The following DMD variants were observed in gnomAD, a reference collection of about 807,000 sequenced individuals.
DMD encodes the protein mutant dystrophin.
In DMD, 63 loss-of-function variants were observed where a neutral mutation model predicts 330.1. The observed-to-expected ratio is 0.19, with a 90% confidence interval of 0.16 to 0.24. DMD has a LOEUF of 0.24. Among genes scored for constraint, DMD ranks in the 10% least tolerant of loss-of-function variants. DMD has a pLI of 1.00. For missense variants in DMD, 3,344 were observed against 2,684.1 expected (o/e 1.25, Z -5.43); for synonymous variants, 1,223 against 959.8 (o/e 1.27, Z -5.07).
intron 9 of DMD, among the ~76,000 whole-genome samples, chrX:32,668,147 C>CG (rs1413362750): frequency 5.6e-5 from 6 of 107,988 alleles, no homozygotes; most frequent in East Asian, 5.9e-4. Context: ...GACTCCATCT[C>CG]GGGAAAAAAA....
intron 9 of DMD, among the ~76,000 whole-genome samples, chrX:32,653,768 T>C (rs886799078): frequency 2.2e-4 from 25 of 112,021 alleles, no homozygotes; most frequent in Non-Finnish European, 4.3e-4. Context: ...ATTTTCACAA[T>C]ATTGATTCTT....
chrX:32,981,831 A>T (rs2092714742), intron 2 of DMD, among the ~76,000 whole-genome samples: 1 of 111,257 alleles, frequency 9.0e-6, no homozygotes, highest in Non-Finnish European at 1.9e-5. Flanking sequence ...TCTCCTTAAT[A>T]CAAGCCTCTG....
intron 41 of DMD, among the ~76,000 whole-genome samples, chrX:32,311,427 GTTTTT>G (rs929726090): frequency 9.0e-6 from 1 of 111,178 alleles, no homozygotes; most frequent in Non-Finnish European, 1.9e-5. Context: ...TTTATGTTTT[GTTTTT>G]AATTTCTCTG....
intron 55 of DMD, among the ~76,000 whole-genome samples, chrX:31,535,064 A>T (rs1342112901): frequency 1.8e-5 from 1 of 54,572 alleles, no homozygotes; most frequent in African/African-American, 8.0e-5. Flanking sequence ...CATACTGCCC[A>T]AGGTAATTTA....
rs926349196 is a variant in DMD at position 31,785,913 on chromosome X, G to A, written c.7310-11721C>T. ...GTAAACAGTGCTGCAACAAACGTAC[G>A]TGTGCATGTGTCTTTACAGTAGAAT... On this transcript the variant is annotated intron_variant, in intron 50 of 78. Transcript: ENST00000357033. 9.8e-5 allele frequency among the ~76,000 whole-genome samples: 11 copies of A among 111,980 alleles called. 1 individual carries two copies. The highest frequency in any genetic ancestry group is 3.7e-4 in the South Asian group (1 of 2,679).
At chrX:31,938,256 GC>G (rs1337909260) in intron 45 of DMD, among the ~76,000 whole-genome samples, 1 of 111,081 alleles carries the variant, frequency 9.0e-6, no homozygotes, top group Non-Finnish European at 1.9e-5. Context: ...CCTTTTATAT[GC>G]TTTCAATGAA....
At chrX:32,384,519 C>T (rs187436989) in intron 33 of DMD, among the ~76,000 whole-genome samples, 126 of 110,889 alleles carry the variant, frequency 1.1e-3, no homozygotes, top group African/African-American at 4.0e-3. Flanking sequence ...TGGCAACAAA[C>T]TTGTTTAAAA....
intron 43 of DMD, among the ~76,000 whole-genome samples, chrX:32,232,657 CA>C (rs1569552284): frequency 8.9e-6 from 1 of 112,133 alleles, no homozygotes. Context: ...TATTAAAACA[CA>C]GGTGCACGAG....
chrX:32,279,966 C>CCACAT (rs2097408457), intron 43 of DMD, among the ~76,000 whole-genome samples: 1 of 64,326 alleles, frequency 1.6e-5, no homozygotes, highest in Non-Finnish European at 3.3e-5. Flanking sequence ...ATGTGTAACC[C>CCACAT]ATATATATAT....
chrX:31,670,066 T>C (rs1457737498), intron 53 of DMD, among the ~76,000 whole-genome samples: 2 of 111,981 alleles, frequency 1.8e-5, no homozygotes, highest in Non-Finnish European at 3.8e-5. Context: ...TTTGATGCCA[T>C]TGTAAATATT....
intron 25 of DMD, among the ~76,000 whole-genome samples, chrX:32,456,312 C>A (rs2098357875): frequency 9.0e-6 from 1 of 111,123 alleles, no homozygotes; most frequent in Non-Finnish European, 1.9e-5. Flanking sequence ...TTCACCCTAA[C>A]ACATCTAGAA....
chrX:31,700,013 C>G (rs1311229323), intron 52 of DMD, among the ~76,000 whole-genome samples: 1 of 110,388 alleles, frequency 9.1e-6, no homozygotes, highest in East Asian at 2.8e-4. Flanking sequence ...TGGTGAAACC[C>G]TGTCTGTACT....
rs913339160 is a variant in DMD at position 31,493,046 on chromosome X, C to T, written c.8547+3742G>A. 2.7e-5 allele frequency among the ~76,000 whole-genome samples: 3 copies of T among 111,579 alleles called. No individual in the cohort carries two copies. In the East Asian group the frequency reaches 8.4e-4, roughly 31 times the overall value. ...TAATAATAAAAAAAAACCTGTGCAT[C>T]AAAGTAGCTCTACACACTTTACAAA... On this transcript the variant is annotated intron_variant, in intron 57 of 78. Transcript: ENST00000357033.
intron 1 of DMD, among the ~76,000 whole-genome samples, chrX:33,208,140 G>A (rs1033024160): frequency 3.6e-5 from 4 of 111,371 alleles, no homozygotes; most frequent in Non-Finnish European, 7.6e-5. Flanking sequence ...TAACTGCACC[G>A]CCTCCATTAA....
intron 19 of DMD, among the ~76,000 whole-genome samples, chrX:32,495,558 G>C (rs2043409993): frequency 9.0e-6 from 1 of 111,712 alleles, no homozygotes; most frequent in Non-Finnish European, 1.9e-5. Context: ...CAATTAAAAT[G>C]AGAAATGCTA....
chrX:32,809,745 A>G, intron 6 of DMD, 134 bp from the exon 7 acceptor site: 1 of 511,548 alleles, frequency 2.0e-6, no homozygotes, highest in East Asian at 3.8e-5. Flanking sequence ...AGTGTAATTC[A>G]TTTACCCTTT....
chrX:32,002,222 T>C (rs1226225147), intron 44 of DMD, among the ~76,000 whole-genome samples: 1 of 112,138 alleles, frequency 8.9e-6, no homozygotes, highest in African/African-American at 3.2e-5. Flanking sequence ...TGATGTTTAT[T>C]ACAAAGAGCA....
intron 30 of DMD, among the ~76,000 whole-genome samples, chrX:32,406,842 T>C (rs915292367): frequency 1.1e-4 from 12 of 111,412 alleles, no homozygotes; most frequent in African/African-American, 3.6e-4. Flanking sequence ...CTATCTGATC[T>C]TTGACAAACC....
chrX:32,470,245 A>G (rs963181381), intron 22 of DMD, among the ~76,000 whole-genome samples: 6 of 111,220 alleles, frequency 5.4e-5, no homozygotes, highest in African/African-American at 2.0e-4. Flanking sequence ...AGAAAAAAAA[A>G]GATTCCTTGG....
Sources: gnomAD v4.1 joint callset for allele counts (sites outside exome capture counted in the v4.1 genomes callset) on GRCh38, gnomAD v4.1.1 for gene constraint, MANE v1.5 for transcripts, NCBI Gene and HGNC (gene_info 2026-07-23, HGNC 2026-07-21) for gene names.